The following XIRP2 variants were observed in gnomAD, a reference collection of about 807,000 sequenced individuals.
XIRP2 encodes xin actin binding repeat containing 2, also known as xin actin-binding repeat-containing protein 2.
Under a neutral mutation model 277.0 loss-of-function variants are expected in XIRP2, and 236 were observed. The observed-to-expected ratio is 0.85, with a 90% CI of 0.77 to 0.95. The LOEUF is 0.95. XIRP2 is among the 40% of genes least tolerant of loss of function. XIRP2 has a pLI of 0.00. For missense variants in XIRP2, 4,640 were observed against 4,157.5 expected, an observed-to-expected ratio of 1.12 and a Z score of -3.19; for synonymous variants, 1,490 against 1,416.5, an observed-to-expected ratio of 1.05 and a Z score of -1.17.
chr2:167,088,914 A>T (rs1033388007), intron 2 of XIRP2, among the ~76,000 whole-genome samples: 1 of 152,102 alleles, frequency 6.6e-6, no homozygotes, highest in South Asian at 2.1e-4. Context: ...ATACAATTTC[A>T]TTCTCTGTCT....
At chr2:167,075,813 T>A (rs1689551370) in intron 2 of XIRP2, among the ~76,000 whole-genome samples, 1 of 151,956 alleles carries the variant, frequency 6.6e-6, no homozygotes, top group Non-Finnish European at 1.5e-5. Flanking sequence ...AGCTAATTTT[T>A]TTTTTTTTTT....
intron 2 of XIRP2, among the ~76,000 whole-genome samples, chr2:167,014,113 C>T (rs1252402977): frequency 1.3e-5 from 2 of 151,242 alleles, no homozygotes; most frequent in African/African-American, 4.8e-5. Context: ...GCTCTTATCC[C>T]CCTCTTTTTA....
chr2:167,239,925 G>A lies in XIRP2; in HGVS notation c.929G>A (p.Gly310Glu), dbSNP rs765602901. Residue 310 changes from glycine to glutamate, a missense_variant, in exon 6 of 11, where the codon GGG (glycine) becomes GAG (glutamate). Transcript: ENST00000409195. ...GAAATGGCAAGAAATGAACAAGAAG[G>A]GTCCAAAGTACAGAAAATTGATGTT... Reference protein sequence around the residue: ...SQEMARNEQEGSKVQKIDVHG... With the variant: ...SQEMARNEQEESKVQKIDVHG... 11 of 1,602,886 alleles carry A rather than the reference G, an allele frequency of 6.9e-6. No individual in the cohort carries two copies. The Admixed American group carries it at 8.7e-5, about 13-fold the overall frequency.
intron 3 of XIRP2, among the ~76,000 whole-genome samples, chr2:167,142,685 T>C (rs1175747481): frequency 1.3e-5 from 2 of 152,336 alleles, no homozygotes; most frequent in East Asian, 1.9e-4. Flanking sequence ...ACTGAGTTCA[T>C]GACTCCATGT....
chr2:167,175,576 C>T (rs1015812514), intron 3 of XIRP2, among the ~76,000 whole-genome samples: 1 of 152,122 alleles, frequency 6.6e-6, no homozygotes, highest in Non-Finnish European at 1.5e-5. Context: ...TCTGTTGACC[C>T]CTGCTGGGAG....
chr2:167,064,366 A>C (rs2105243284), intron 2 of XIRP2, among the ~76,000 whole-genome samples: 1 of 152,026 alleles, frequency 6.6e-6, no homozygotes, highest in South Asian at 2.1e-4. Flanking sequence ...ATGCCGCATA[A>C]GAATTTTATA....
rs12613172 is a variant in XIRP2, at chr2:167,121,297, A to C, written c.409-14612A>C. 3.3e-3 allele frequency among the ~76,000 whole-genome samples: 501 copies of C among 152,282 alleles called. 25 individuals carry two copies. In the East Asian group the frequency reaches 0.085, roughly 26 times the overall value. ...TATTTTTCTCTTTATTCTTTTGCACATTTTAGTATGATCGTTTGAATACAG... is the reference window on the plus strand; with the variant it reads ...TATTTTTCTCTTTATTCTTTTGCACCTTTTAGTATGATCGTTTGAATACAG... On this transcript the variant is annotated intron_variant, in intron 2 of 10. Transcript: ENST00000409195.
chr2:166,897,537 C>G (rs926634686), intron 1 of XIRP2, among the ~76,000 whole-genome samples: 1 of 151,938 alleles, frequency 6.6e-6, no homozygotes, highest in African/African-American at 2.4e-5. Context: ...AGAAGCCACA[C>G]GTAAGTTAAA....
intron 3 of XIRP2, among the ~76,000 whole-genome samples, chr2:167,205,054 T>C (rs565685415): frequency 5.3e-5 from 8 of 152,310 alleles, no homozygotes; most frequent in African/African-American, 1.7e-4. Context: ...CATCTTTCTC[T>C]CTAGCACATA....
intron 2 of XIRP2, among the ~76,000 whole-genome samples, chr2:166,958,104 C>A (rs1686210251): frequency 6.6e-6 from 1 of 151,936 alleles, no homozygotes; most frequent in Middle Eastern, 3.4e-3. Flanking sequence ...ACTTTGCTAA[C>A]TATGATTTTC....
At position 167,246,542 on chromosome 2, in the gene XIRP2, T is replaced by C. The variant is rs1272523429; in HGVS notation, c.5150T>C (p.Ile1717Thr). The C allele has an allele frequency of 2.5e-6, 4 of 1,613,754 alleles. No individual in the cohort carries two copies. The highest frequency in any genetic ancestry group is 1.3e-5 in the African/African-American group (1 of 75,024). ...EVIGGDVKRT[I>T]HNLLSSTSNN... is the part of the protein sequence containing the mutation. The stretch of plus-strand genomic sequence containing the variant: ...ATAGGTGGTGATGTCAAACGTACCA[T>C]TCATAATTTATTGTCTTCCACATCA... The change falls in exon 9 of 11, where the codon ATT (isoleucine) becomes ACT (threonine). Residue 1717 changes from isoleucine (I) to threonine (T), a missense_variant. By Grantham distance (89) the Ile-to-Thr change is moderately conservative. Transcript: ENST00000409195.
chr2:166,946,267 A>G (rs1260848582), intron 2 of XIRP2, among the ~76,000 whole-genome samples: 1 of 152,164 alleles, frequency 6.6e-6, no homozygotes, highest in South Asian at 2.1e-4. Context: ...AGTAAAACCT[A>G]ATGTTGAAAA....
At position 167,159,632 on chromosome 2, in the gene XIRP2, T is replaced by C. The variant is rs549162171; in HGVS notation, c.562+23570T>C. On this transcript the variant is annotated intron_variant, in intron 3 of 10. Coordinates refer to ENST00000409195, the MANE Select transcript of XIRP2 (RefSeq NM_152381.6). ...TGACCATGAGACATTGGGCAAAATA[T>C]GTTGGGAAAAATATTTAACATGCCT... Among the ~76,000 whole-genome samples the C allele has an allele frequency of 2.0e-5, 3 of 152,262 alleles. No individual in the cohort carries two copies. The East Asian group carries it at 5.8e-4, about 29-fold the overall frequency.
At chr2:167,231,411 GT>G (rs1244083023) in intron 5 of XIRP2, among the ~76,000 whole-genome samples, 5 of 151,620 alleles carry the variant, frequency 3.3e-5, no homozygotes, top group East Asian at 1.9e-4. Context: ...GCCCAAATCA[GT>G]TTTTTTTAGT....
intron 2 of XIRP2, among the ~76,000 whole-genome samples, chr2:167,028,111 C>T (rs951989902): frequency 6.6e-6 from 1 of 151,982 alleles, no homozygotes; most frequent in African/African-American, 2.4e-5. Context: ...TCCAAGTAAT[C>T]TTATTTAAAA....
chr2:167,060,514 T>A (rs1689150111), intron 2 of XIRP2, among the ~76,000 whole-genome samples: 1 of 152,246 alleles, frequency 6.6e-6, no homozygotes. Context: ...TTTTGAGGGG[T>A]TTTTTGTATA....
chr2:166,982,512 T>C (rs1031240381), intron 2 of XIRP2, among the ~76,000 whole-genome samples: 2 of 152,034 alleles, frequency 1.3e-5, no homozygotes, highest in Admixed American at 6.5e-5. Context: ...AGACTAGACC[T>C]CTATCATGTT....
At chr2:167,156,728 G>T (rs1373853873) in intron 3 of XIRP2, among the ~76,000 whole-genome samples, 1 of 152,120 alleles carries the variant, frequency 6.6e-6, no homozygotes, top group African/African-American at 2.4e-5. Flanking sequence ...AATACAGTTT[G>T]CCATATCCAT....
rs1238068400 is a variant in XIRP2, at chr2:167,245,147, A to G, written c.3755A>G (p.Lys1252Arg). 1 of 1,612,960 alleles carries G rather than the reference A, an allele frequency of 6.2e-7. No homozygotes were observed. The highest frequency in any genetic ancestry group is 8.5e-7 in the Non-Finnish European group (1 of 1,179,612). Residue 1252 changes from lysine to arginine, a missense_variant, in exon 9 of 11, where the codon AAA becomes AGA. Transcript: ENST00000409195. ...GAAAACCAACCAATTGATAAGATAA[A>G]AGAAAGCCAAGAAGGTGATGAATGT... The part of the protein sequence containing the change: ...LFENQPIDKI[K>R]ESQEGDECVK...
Sources: allele counts gnomAD v4.1 joint callset (sites outside exome capture counted in the v4.1 genomes callset), GRCh38; gene constraint gnomAD v4.1.1; transcripts MANE v1.5; gene names NCBI Gene and HGNC (gene_info 2026-07-23, HGNC 2026-07-21).